The following MYH15 variants were observed in gnomAD, a reference collection of about 807,000 sequenced individuals.
MYH15 encodes myosin-15.
Under a neutral mutation model 240.5 loss-of-function variants are expected in MYH15, and 227 were observed. The ratio of observed to expected loss-of-function variants is 0.94; its 90% CI spans 0.85 to 1.05. MYH15 has a LOEUF of 1.05. Ranked by LOEUF, MYH15 falls within the 50% of genes least tolerant of loss-of-function variation. The pLI, the probability that MYH15 is intolerant of heterozygous loss-of-function variation, is 0.00. For missense variants in MYH15, 2,217 were observed against 2,247.5 expected (o/e 0.99, Z 0.27); for synonymous variants, 785 against 796.7 (o/e 0.99, Z 0.25).
intron 1 of MYH15, among the ~76,000 whole-genome samples, chr3:108,507,274 T>TATAC (rs2083486062): frequency 4.1e-5 from 4 of 97,362 alleles, no homozygotes; most frequent in African/African-American, 1.5e-4. Flanking sequence ...TATATATATA[T>TATAC]ATACACATAT....
upstream of MYH15, among the ~76,000 whole-genome samples, chr3:108,512,313 A>G (rs1347557871): frequency 6.6e-6 from 1 of 152,192 alleles, no homozygotes; most frequent in East Asian, 1.9e-4. Flanking sequence ...AAACATCATC[A>G]ACTCTGTGGG....
chr3:108,403,574 C>T (rs1015848741), intron 33 of MYH15, among the ~76,000 whole-genome samples: 2 of 148,966 alleles, frequency 1.3e-5, no homozygotes, highest in African/African-American at 4.9e-5. Context: ...GTGAAACTAT[C>T]AGATTAAACC....
intron 21 of MYH15, among the ~76,000 whole-genome samples, chr3:108,450,680 A>C (rs1164515335): frequency 6.6e-6 from 1 of 152,210 alleles, no homozygotes; most frequent in Non-Finnish European, 1.5e-5. Context: ...ATTTGCTTAG[A>C]GAGTAGACCT....
intron 31 of MYH15, among the ~76,000 whole-genome samples, chr3:108,408,922 C>T (rs909179744): frequency 1.5e-4 from 23 of 152,234 alleles, no homozygotes; most frequent in African/African-American, 5.5e-4. Flanking sequence ...GTGGCTTTAG[C>T]TCAAGCACTT....
At position 108,439,932 on chromosome 3, in the gene MYH15, A is replaced by G; in HGVS notation, c.2899-19T>C. On this transcript the variant is annotated intron_variant, in intron 23 of 40. Transcript: ENST00000693548. ...TCTTGACCTGTGGGAAGAAGATGAC[A>G]GCTTCATTAAAGCCACTGCTGGAAA... 1 of 1,538,288 alleles carries G rather than the reference A, an allele frequency of 6.5e-7. No individual in the cohort carries two copies. The highest frequency in any genetic ancestry group is 8.8e-7 in the Non-Finnish European group (1 of 1,142,702).
At chr3:108,455,908 CA>C (rs1560384728) in intron 19 of MYH15, 49 bp from the exon 20 acceptor site, 2 of 1,541,988 alleles carry the variant, frequency 1.3e-6, no homozygotes, top group Non-Finnish European at 1.8e-6. Flanking sequence ...TCATATTATT[CA>C]AATAAAGACT....
chr3:108,396,437 G>C (rs948852624), intron 35 of MYH15, among the ~76,000 whole-genome samples: 3 of 152,128 alleles, frequency 2.0e-5, no homozygotes, highest in Non-Finnish European at 2.9e-5. Flanking sequence ...TCTCTCACAT[G>C]AGCAGTTCAT....
At chr3:108,439,685 T>C in intron 24 of MYH15, 52 bp downstream of exon 24, 2 of 1,343,968 alleles carry the variant, frequency 1.5e-6, no homozygotes, top group Non-Finnish European at 2.0e-6. Flanking sequence ...AAAACTGGAG[T>C]TATGTGTATA....
At chr3:108,400,420 C>T (rs901622070) in intron 33 of MYH15, among the ~76,000 whole-genome samples, 1 of 152,154 alleles carries the variant, frequency 6.6e-6, no homozygotes, top group Non-Finnish European at 1.5e-5. Context: ...AGGCAAAAAC[C>T]TTTCTATTCT....
the MYH15 span, chr3:108,550,635 A>G: frequency 2.6e-5 from 4 of 151,842 alleles, no homozygotes; most frequent in East Asian, 7.7e-4. Context: ...AATTATTTTA[A>G]ATTCACTAAT....
At chr3:108,470,386 T>G (rs970348345) in intron 13 of MYH15, among the ~76,000 whole-genome samples, 174 bp from the exon 14 acceptor site, 6 of 152,166 alleles carry the variant, frequency 3.9e-5, no homozygotes, top group Non-Finnish European at 8.8e-5. Context: ...GTAATATCAT[T>G]AAGTACAATT....
At chr3:108,508,197 G>C (rs896394394) in intron 1 of MYH15, among the ~76,000 whole-genome samples, 2 of 152,138 alleles carry the variant, frequency 1.3e-5, no homozygotes, top group Non-Finnish European at 2.9e-5. Context: ...CTTCTCTCCA[G>C]GAGTAGGCTC....
intron 24 of MYH15, 46 bp downstream of exon 24, chr3:108,439,691 G>A (rs2107567694): frequency 7.1e-7 from 1 of 1,403,410 alleles, no homozygotes; most frequent in Non-Finnish European, 9.5e-7. Flanking sequence ...GGAGTTATGT[G>A]TATATGTAGA....
chr3:108,417,399 C>T (rs950222408), intron 28 of MYH15, among the ~76,000 whole-genome samples: 18 of 152,074 alleles, frequency 1.2e-4, no homozygotes, highest in African/African-American at 4.3e-4. Context: ...ACCATACTCC[C>T]TTGTTTATTA....
intron 20 of MYH15, among the ~76,000 whole-genome samples, chr3:108,454,831 T>C (rs1382968355): frequency 6.6e-6 from 1 of 152,202 alleles, no homozygotes; most frequent in African/African-American, 2.4e-5. Context: ...AGTGTGTGCC[T>C]TTCAACCTCA....
At chr3:108,533,968 C>G (rs529569807), upstream of MYH15, among the ~76,000 whole-genome samples, 1 of 152,166 alleles carries the variant, frequency 6.6e-6, no homozygotes, top group Admixed American at 6.5e-5. Context: ...AATGTATAAC[C>G]AAGTAGATCT....
At chr3:108,474,096 A>C (rs1470240836) in intron 12 of MYH15, among the ~76,000 whole-genome samples, 1 of 152,212 alleles carries the variant, frequency 6.6e-6, no homozygotes, top group Non-Finnish European at 1.5e-5. Flanking sequence ...AGCTAGAACT[A>C]AATTTTGTAT....
chr3:108,455,660 C>G (rs181257820), intron 20 of MYH15, 76 bp downstream of exon 20: 9 of 1,486,670 alleles, frequency 6.1e-6, no homozygotes, highest in Non-Finnish European at 7.5e-6. Flanking sequence ...TATAATTGAG[C>G]ATTCACAGGT....
At chr3:108,529,059 T>C (rs563586322) in intron 1 of MYH15, among the ~76,000 whole-genome samples, 5 of 152,174 alleles carry the variant, frequency 3.3e-5, no homozygotes, top group Non-Finnish European at 5.9e-5. Flanking sequence ...TGTTTTACCA[T>C]CTGGATTTTT....
Sources: allele counts gnomAD v4.1 joint callset (sites outside exome capture counted in the v4.1 genomes callset), GRCh38; gene constraint gnomAD v4.1.1; transcripts MANE v1.5; gene names NCBI Gene and HGNC (gene_info 2026-07-23, HGNC 2026-07-21).